Variants in THEMIS observed in about 807,000 individuals in gnomAD.
THEMIS encodes thymocyte selection associated.
Under a neutral mutation model 52.6 loss-of-function variants are expected in THEMIS, and 37 were observed. The ratio of observed to expected loss-of-function variants is 0.70; its 90% CI spans 0.54 to 0.93. THEMIS has a LOEUF of 0.93. Ranked by LOEUF, THEMIS falls within the 40% of genes least tolerant of loss-of-function variation. THEMIS has a pLI of 0.00. For missense variants in THEMIS, 808 were observed against 763.1 expected, an observed-to-expected ratio of 1.06 and a Z score of -0.69; for synonymous variants, 292 against 272.7, an observed-to-expected ratio of 1.07 and a Z score of -0.70.
At chr6:127,763,790 T>G (rs977002303) in intron 4 of THEMIS, among the ~76,000 whole-genome samples, 2 of 151,980 alleles carry the variant, frequency 1.3e-5, no homozygotes, top group African/African-American at 4.8e-5. Context: ...TTTACATTGA[T>G]TACATGTAAA....
At chr6:127,743,170 A>T (rs1442370262) in intron 4 of THEMIS, among the ~76,000 whole-genome samples, 1 of 152,190 alleles carries the variant, frequency 6.6e-6, no homozygotes, top group African/African-American at 2.4e-5. Context: ...AGGCAAAAAC[A>T]TCACTAGGTG....
intron 1 of THEMIS, among the ~76,000 whole-genome samples, chr6:127,859,130 T>C (rs1337563138): frequency 6.6e-6 from 1 of 152,004 alleles, no homozygotes; most frequent in Non-Finnish European, 1.5e-5. Context: ...TGGATGTTTC[T>C]CCCCTTTACT....
intron 4 of THEMIS, among the ~76,000 whole-genome samples, chr6:127,739,986 A>G (rs991166985): frequency 6.6e-6 from 1 of 152,164 alleles, no homozygotes; most frequent in Non-Finnish European, 1.5e-5. Context: ...CTGATTGGCC[A>G]GTGCCCATGT....
In THEMIS at chr6:127,842,952, G is replaced by A. The variant is rs9482843; in HGVS notation, c.250+12078C>T. On this transcript the variant is annotated intron_variant, in intron 2 of 5. Transcript: ENST00000368248. ...TAGTGATGTAATTCATGGAAGGGTG[G>A]TATCACCCTAGTAGCTTCCTGGCTA... Among the ~76,000 whole-genome samples the A allele has an allele frequency of 9.6e-4, 146 of 152,034 alleles. 1 individual carries two copies. The highest frequency in any genetic ancestry group is 3.3e-3 in the African/African-American group (139 of 41,504).
At chr6:127,742,700 A>G (rs1463015783) in intron 4 of THEMIS, among the ~76,000 whole-genome samples, 1 of 152,156 alleles carries the variant, frequency 6.6e-6, no homozygotes, top group Non-Finnish European at 1.5e-5. Context: ...TGTCACTTAC[A>G]TGAGATACCT....
intron 1 of THEMIS, among the ~76,000 whole-genome samples, chr6:127,884,884 T>G (rs1334510039): frequency 6.6e-6 from 1 of 152,176 alleles, no homozygotes; most frequent in African/African-American, 2.4e-5. Flanking sequence ...ACATGGCCTT[T>G]CTTCATTGCA....
chr6:127,828,671 C>T (rs1313784535), intron 3 of THEMIS, among the ~76,000 whole-genome samples: 2 of 152,060 alleles, frequency 1.3e-5, no homozygotes, highest in African/African-American at 4.8e-5. Flanking sequence ...TAAAACACGC[C>T]GGGCCGGGCG....
chr6:127,788,861 C>A (rs1375595128), intron 4 of THEMIS, among the ~76,000 whole-genome samples: 1 of 152,116 alleles, frequency 6.6e-6, no homozygotes, highest in African/African-American at 2.4e-5. Flanking sequence ...ACCATAATCT[C>A]TGGGACACAG....
chr6:127,742,672 GGTCAAAGATTGTTATGAT>G (rs2114285533), intron 4 of THEMIS, among the ~76,000 whole-genome samples: 1 of 152,232 alleles, frequency 6.6e-6, no homozygotes, highest in Non-Finnish European at 1.5e-5. Flanking sequence ...AGACACAAAA[GGTCAAAGATTGTTATGAT>G]GTCACTTACA....
chr6:127,799,209 G>T (rs967643286), intron 4 of THEMIS, among the ~76,000 whole-genome samples: 5 of 152,158 alleles, frequency 3.3e-5, no homozygotes, highest in African/African-American at 1.2e-4. Flanking sequence ...TACATGGTAA[G>T]ATTTTCTTTT....
chr6:127,821,549 A>T (rs906251216), intron 3 of THEMIS, among the ~76,000 whole-genome samples: 1 of 152,032 alleles, frequency 6.6e-6, no homozygotes, highest in African/African-American at 2.4e-5. Context: ...AACAATTTCC[A>T]TTCCATTTTT....
At chr6:127,817,248 T>C (rs1778167501) in intron 3 of THEMIS, among the ~76,000 whole-genome samples, 1 of 152,116 alleles carries the variant, frequency 6.6e-6, no homozygotes, top group Non-Finnish European at 1.5e-5. Context: ...AATGAATTAA[T>C]GAATAAAAAA....
intron 4 of THEMIS, among the ~76,000 whole-genome samples, chr6:127,725,515 T>C (rs1186051843): frequency 6.6e-6 from 1 of 151,988 alleles, no homozygotes; most frequent in African/African-American, 2.4e-5. Context: ...CCATAAATAA[T>C]TTAGAAGATG....
At chr6:127,830,303 G>A (rs1463094085) in intron 2 of THEMIS, among the ~76,000 whole-genome samples, 3 of 152,136 alleles carry the variant, frequency 2.0e-5, no homozygotes, top group Non-Finnish European at 4.4e-5. Flanking sequence ...TTTTTAAAAT[G>A]AGAAGATTGG....
At chr6:127,884,667 T>C (rs1312792572) in intron 1 of THEMIS, among the ~76,000 whole-genome samples, 2 of 152,170 alleles carry the variant, frequency 1.3e-5, no homozygotes, top group Non-Finnish European at 2.9e-5. Context: ...ACAATGGATG[T>C]CTAATATACT....
At chr6:127,902,676 C>T (rs1315202463), upstream of THEMIS, among the ~76,000 whole-genome samples, 1 of 152,078 alleles carries the variant, frequency 6.6e-6, no homozygotes, top group Non-Finnish European at 1.5e-5. Flanking sequence ...AACAGGTTTA[C>T]TATCATTAGA....
At chr6:127,899,073 C>T (rs1781057422) in intron 1 of THEMIS, among the ~76,000 whole-genome samples, 1 of 151,478 alleles carries the variant, frequency 6.6e-6, no homozygotes, top group Non-Finnish European at 1.5e-5. Context: ...GTGACTATAG[C>T]TAAAAATAAT....
intron 4 of THEMIS, among the ~76,000 whole-genome samples, chr6:127,728,963 T>C (rs1405687558): frequency 6.6e-6 from 1 of 152,192 alleles, no homozygotes; most frequent in African/African-American, 2.4e-5. Context: ...CATTTGTATC[T>C]TCAAATACAC....
intron 4 of THEMIS, among the ~76,000 whole-genome samples, chr6:127,784,782 A>C (rs1341269877): frequency 6.6e-6 from 1 of 152,192 alleles, no homozygotes; most frequent in African/African-American, 2.4e-5. Flanking sequence ...GAAAGAGCTC[A>C]ACCCCTGGAC....
Sources: allele counts gnomAD v4.1 joint callset (sites outside exome capture counted in the v4.1 genomes callset), GRCh38; gene constraint gnomAD v4.1.1; transcripts MANE v1.5; gene names NCBI Gene and HGNC (gene_info 2026-07-23, HGNC 2026-07-21).